Variants in IGSF21 observed in about 807,000 individuals in gnomAD.
IGSF21 encodes immunoglobulin superfamily member 21.
IGSF21 carries 28 observed loss-of-function variants against 46.8 expected under a neutral mutation model. The observed-to-expected ratio is 0.60, with a 90% CI of 0.44 to 0.82. The LOEUF (loss-of-function observed/expected upper bound fraction) is 0.82, where lower values mean the gene tolerates loss of function less well. Among genes scored for constraint, IGSF21 ranks in the 40% least tolerant of loss-of-function variants. IGSF21 has a pLI of 0.00. For missense variants in IGSF21, 624 were observed against 665.5 expected (o/e 0.94, Z 0.69); for synonymous variants, 284 against 273.6 (o/e 1.04, Z -0.38).
chr1:18,334,831 G>C lies in IGSF21; in HGVS notation c.306-61G>C. On this transcript the variant is annotated intron_variant, in intron 3 of 9. Transcript: ENST00000251296. The surrounding 1 kb of genome is among the most constrained non-coding windows in gnomAD (Gnocchi z 4.3). ...AGTGGGCATCAGGATGAGTTTCCTT[G>C]AACGCTGCCTCACCCAGCCCCACGA... 2 of 1,269,658 alleles carry C rather than the reference G, an allele frequency of 1.6e-6. No individual in the cohort carries two copies. Among genetic ancestry groups the C allele is most frequent in the South Asian group, 2.4e-5 (2 of 83,252 alleles). 78.6% of individuals were successfully genotyped at this position (1,269,658 alleles called of 1,614,324 possible). A position where few individuals can be genotyped will look rare whatever the true frequency, so the allele number is the denominator to read the frequency against.
intron 1 of IGSF21, among the ~76,000 whole-genome samples, chr1:18,219,633 G>A (rs2084487123): frequency 6.6e-6 from 1 of 152,172 alleles, no homozygotes; most frequent in African/African-American, 2.4e-5. Context: ...GAGAAAAAGA[G>A]GAGGTTCCAA....
At chr1:18,195,455 C>A (rs1195994928) in intron 1 of IGSF21, among the ~76,000 whole-genome samples, 1 of 152,204 alleles carries the variant, frequency 6.6e-6, no homozygotes, top group Admixed American at 6.5e-5. Flanking sequence ...GGAACCCCTT[C>A]TTCCTCTTCC....
At chr1:18,260,355 A>G (rs879357277) in intron 2 of IGSF21, among the ~76,000 whole-genome samples, 29 of 152,240 alleles carry the variant, frequency 1.9e-4, no homozygotes, top group Non-Finnish European at 3.2e-4. Context: ...GGGAGCCCCA[A>G]AATTGGAGCT....
At chr1:18,154,197 G>A (rs1328669516) in intron 1 of IGSF21, among the ~76,000 whole-genome samples, 1 of 152,136 alleles carries the variant, frequency 6.6e-6, no homozygotes, top group Non-Finnish European at 1.5e-5. Flanking sequence ...GCGCTCATTT[G>A]CTTCGCTGGC....
At chr1:18,201,985 G>T (rs1434453963) in intron 1 of IGSF21, among the ~76,000 whole-genome samples, 3 of 151,962 alleles carry the variant, frequency 2.0e-5, no homozygotes, top group Admixed American at 6.6e-5. Context: ...CCCTCTAGTT[G>T]CCCCAAAAGT....
Position 18,252,095 on chromosome 1 carries a change from G to A in IGSF21, c.183+24085G>A, listed in dbSNP as rs187213886. 7.4e-3 allele frequency among the ~76,000 whole-genome samples: 784 copies of A among 106,248 alleles called. 10 individuals are homozygous for A. The highest frequency in any genetic ancestry group is 0.026 in the African/African-American group (718 of 27,376). 69.7% of individuals were successfully genotyped at this position (106,248 alleles called of 152,430 possible). On this transcript the variant is annotated intron_variant, in intron 2 of 9. Transcript: ENST00000251296. Reference sequence around the variant, plus strand: ...AGATGGAGTCTCCCTCTGTCACCCCGGCTGGAGTGCAGTGGTGCAATCTCG... The same window carrying A: ...AGATGGAGTCTCCCTCTGTCACCCCAGCTGGAGTGCAGTGGTGCAATCTCG...
intron 3 of IGSF21, among the ~76,000 whole-genome samples, chr1:18,307,819 G>T (rs866348717): frequency 6.6e-6 from 1 of 152,188 alleles, no homozygotes; most frequent in South Asian, 2.1e-4. Context: ...GGCTGTAGTG[G>T]TTCTCATCTT....
chr1:18,276,074 C>T (rs1006624149), intron 2 of IGSF21, among the ~76,000 whole-genome samples: 2 of 152,202 alleles, frequency 1.3e-5, no homozygotes, highest in Non-Finnish European at 2.9e-5. Flanking sequence ...CCCTGCCTGG[C>T]ACAACCATCT....
chr1:18,276,165 G>A (rs2085101053), intron 2 of IGSF21, among the ~76,000 whole-genome samples: 2 of 152,104 alleles, frequency 1.3e-5, no homozygotes, highest in African/African-American at 4.8e-5. Context: ...TGCAAAGGTG[G>A]GTGCTGAACA....
At chr1:18,158,567 C>G (rs1295842477) in intron 1 of IGSF21, among the ~76,000 whole-genome samples, 1 of 152,116 alleles carries the variant, frequency 6.6e-6, no homozygotes, top group East Asian at 1.9e-4. Context: ...CCTCCAGAAG[C>G]CATCCTTGCT....
chr1:18,273,037 A>ATTTTTTTTTTTTT (rs2085057685), intron 2 of IGSF21, among the ~76,000 whole-genome samples: 10 of 90,188 alleles, frequency 1.1e-4, no homozygotes, highest in Non-Finnish European at 2.3e-4. Flanking sequence ...AGCCAGACGG[A>ATTTTTTTTTTTTT]TCTTTTTTTT....
chr1:18,182,833 G>T (rs1191740416), intron 1 of IGSF21, among the ~76,000 whole-genome samples: 2 of 152,196 alleles, frequency 1.3e-5, no homozygotes, highest in East Asian at 3.9e-4. Context: ...TCTCCACCTG[G>T]TGAAATTGCC....
At chr1:18,176,014 T>A (rs111276822) in intron 1 of IGSF21, 4 of 152,276 alleles carry the variant, frequency 2.6e-5, no homozygotes, top group South Asian at 4.1e-4. Flanking sequence ...TGTGAGCTCA[T>A]TGTACCCTCT....
intron 1 of IGSF21, among the ~76,000 whole-genome samples, chr1:18,203,118 G>A (rs764942012): frequency 2.6e-5 from 4 of 152,150 alleles, no homozygotes; most frequent in Non-Finnish European, 4.4e-5. Flanking sequence ...TCACAACTCA[G>A]TTACTGAGAC....
chr1:18,288,169 C>T (rs575313590), intron 2 of IGSF21, among the ~76,000 whole-genome samples: 1 of 152,286 alleles, frequency 6.6e-6, no homozygotes, highest in Non-Finnish European at 1.5e-5. Flanking sequence ...CGAAATCAAA[C>T]ATTCAACTGG....
intron 2 of IGSF21, among the ~76,000 whole-genome samples, chr1:18,274,976 G>A (rs978095836): frequency 2.0e-5 from 3 of 152,108 alleles, no homozygotes; most frequent in African/African-American, 4.8e-5. Flanking sequence ...GTAGTAAGCC[G>A]AAATCGCGCC....
At chr1:18,299,128 G>A (rs1358009266) in intron 3 of IGSF21, among the ~76,000 whole-genome samples, 1 of 152,224 alleles carries the variant, frequency 6.6e-6, no homozygotes, top group African/African-American at 2.4e-5. Context: ...GTGGGTTTTA[G>A]ACAAAGAGGA....
chr1:18,332,717 T>G (rs1485562395), intron 3 of IGSF21, among the ~76,000 whole-genome samples: 2 of 152,302 alleles, frequency 1.3e-5, no homozygotes, highest in Admixed American at 1.3e-4. Flanking sequence ...GTCCCCCTGA[T>G]GAAAAGCTTC....
At chr1:18,340,789 A>G (rs1185265685) in intron 4 of IGSF21, among the ~76,000 whole-genome samples, 1 of 151,902 alleles carries the variant, frequency 6.6e-6, no homozygotes, top group Non-Finnish European at 1.5e-5. Context: ...TGGCTTATAG[A>G]TGCATCACAC....
Sources: allele counts gnomAD v4.1 joint callset (sites outside exome capture counted in the v4.1 genomes callset), GRCh38; gene constraint gnomAD v4.1.1; non-coding constraint Gnocchi (gnomAD v3.1); transcripts MANE v1.5; gene names NCBI Gene and HGNC (gene_info 2026-07-23, HGNC 2026-07-21).